KPNA7: variants seen among roughly 807,000 people sequenced by gnomAD.
The protein encoded by KPNA7 is importin subunit alpha-8.
Under a neutral mutation model 53.7 loss-of-function variants are expected in KPNA7, and 54 were observed. That is an observed-to-expected ratio of 1.01 (90% CI 0.81 to 1.26). The LOEUF is 1.26. Ranked by LOEUF, KPNA7 falls within the 50% of genes most tolerant of loss-of-function variation. KPNA7 has a pLI of 0.00. For synonymous variants in KPNA7, 276 were observed against 259.3 expected, an observed-to-expected ratio of 1.06 and a Z score of -0.62; for missense variants, 640 against 644.5, an observed-to-expected ratio of 0.99 and a Z score of 0.07.
downstream of KPNA7, among the ~76,000 whole-genome samples, chr7:99,173,322 G>C (rs1432178015): frequency 1.3e-5 from 2 of 151,992 alleles, no homozygotes; most frequent in Admixed American, 1.3e-4. Flanking sequence ...CTCCCAAATA[G>C]CTGGAATTAC....
At chr7:99,184,335 A>C (rs1789460295) in intron 8 of KPNA7, among the ~76,000 whole-genome samples, 1 of 151,574 alleles carries the variant, frequency 6.6e-6, no homozygotes, top group South Asian at 2.1e-4. Flanking sequence ...TTGTATACGT[A>C]TATTTTTTGT....
In KPNA7 at chr7:99,177,964, T is replaced by C. The variant is rs1422947526; in HGVS notation, c.1420A>G (p.Ile474Val). The change falls in exon 10 of 11, where the codon ATT (isoleucine) becomes GTT (valine). Residue 474 changes from isoleucine to valine, a missense_variant. Ile to Val is a conservative substitution (Grantham distance 29). Coordinates refer to ENST00000327442, the MANE Select transcript of KPNA7 (RefSeq NM_001145715.3). Reference sequence around the variant, plus strand: ...ATGATGTTCAAAGCCGACTGGCCAATTTGACGGTTCTCATGCAGCTGTAAA... The same window carrying C: ...ATGATGTTCAAAGCCGACTGGCCAACTTGACGGTTCTCATGCAGCTGTAAA... ...EALQLHENRQ[I>V]GQSALNIIEK... The C allele has an allele frequency of 2.6e-6, 4 of 1,551,908 alleles. No homozygotes were observed. In the Admixed American group the frequency reaches 5.9e-5, roughly 23 times the overall value.
the KPNA7 span, among the ~76,000 whole-genome samples, chr7:99,163,383 A>ATATATATATATATATATATTTTT: frequency 2.5e-5 from 1 of 40,804 alleles, no homozygotes; most frequent in Non-Finnish European, 4.2e-5. Flanking sequence ...ATATATATAT[A>ATATATATATATATATATATTTTT]TTTTTTTTTT....
the KPNA7 span, among the ~76,000 whole-genome samples, chr7:99,163,044 G>A: frequency 1.3e-5 from 2 of 151,854 alleles, no homozygotes; most frequent in African/African-American, 2.4e-5. Context: ...AGCTGGATGT[G>A]GTGGCACACT....
chr7:99,154,902 CCAAT>C, the KPNA7 span, among the ~76,000 whole-genome samples: 2 of 152,052 alleles, frequency 1.3e-5, no homozygotes, highest in Non-Finnish European at 2.9e-5. Context: ...TAAAAAGCTA[CCAAT>C]GACAAAATTG....
Position 99,182,077 on chromosome 7 carries a change from G to C in KPNA7, c.1135-12C>G. 6.6e-7 allele frequency: 1 copy of C among 1,520,550 alleles called. No individual in the cohort carries two copies. The highest frequency in any genetic ancestry group is 8.9e-7 in the Non-Finnish European group (1 of 1,126,878). The allele number at this position is 1,520,550 out of a possible 1,614,324, so 94.2% of individuals were successfully genotyped here. On this transcript the variant is annotated splice_polypyrimidine_tract_variant and intron_variant, in intron 8 of 10. Coordinates refer to ENST00000327442, the MANE Select transcript of KPNA7 (RefSeq NM_001145715.3). Reference sequence around the variant, plus strand: ...ACTTTAAATTCTCCCTGCAGAACAAGAATGTTTCCATTCTCTACAGATCCT... The same window carrying C: ...ACTTTAAATTCTCCCTGCAGAACAACAATGTTTCCATTCTCTACAGATCCT...
At chr7:99,184,432 G>A (rs1006868809) in intron 8 of KPNA7, among the ~76,000 whole-genome samples, 5 of 152,126 alleles carry the variant, frequency 3.3e-5, no homozygotes, top group Admixed American at 3.3e-4. Flanking sequence ...CAAAACGTCG[G>A]AATTACAGTC....
chr7:99,175,365 A>T (rs528594419), intron 10 of KPNA7, among the ~76,000 whole-genome samples: 2 of 152,052 alleles, frequency 1.3e-5, no homozygotes, highest in African/African-American at 4.8e-5. Context: ...TTTTGTAGAT[A>T]TGGGCTCTCA....
At chr7:99,176,830 C>A (rs183774205) in intron 10 of KPNA7, among the ~76,000 whole-genome samples, 79 of 152,124 alleles carry the variant, frequency 5.2e-4, no homozygotes, top group African/African-American at 1.8e-3. Flanking sequence ...CAGTGAGCAA[C>A]CATTGCGGCC....
intron 7 of KPNA7, 130 bp downstream of exon 7, chr7:99,188,168 CTG>C: frequency 1.3e-6 from 1 of 777,684 alleles, no homozygotes; most frequent in East Asian, 3.1e-5. Context: ...GAGCAAGACT[CTG>C]TCTCAAAAAA....
rs1789279635 is a variant in KPNA7, at chr7:99,182,052, A to G, written c.1148T>C (p.Val383Ala). ...VALLKNGEFK[V>A]QKEAVWMVAN... ...CACCATCCAGACAGCCTCTTTCTGG[A>G]CTTTAAATTCTCCCTGCAGAACAAG... Residue 383 changes from valine to alanine, a missense_variant, in exon 9 of 11, where the codon GTC (valine) becomes GCC (alanine). Coordinates refer to ENST00000327442, the MANE Select transcript of KPNA7 (RefSeq NM_001145715.3). 6.5e-7 allele frequency: 1 copy of G among 1,535,588 alleles called. No homozygotes were observed. Among genetic ancestry groups the G allele is most frequent in the East Asian group, 2.5e-5 (1 of 40,460 alleles).
intron 7 of KPNA7, among the ~76,000 whole-genome samples, chr7:99,185,980 A>T (rs185771259): frequency 6.6e-6 from 1 of 152,112 alleles, no homozygotes. Context: ...TTTTGTAGAG[A>T]CAAGGTTTCA....
Position 99,178,028 on chromosome 7 carries a change from A to T in KPNA7, c.1356T>A (p.Leu452=). The change falls in exon 10 of 11, where the codon CTT becomes CTA. Residue 452 remains leucine, a synonymous_variant. Transcript: ENST00000327442. Reference sequence around the variant, plus strand: ...CGATCCCACCAAGTTCTTCTATCAGAAGACACAGGTTTTCCTTCTCAGACC... The same window carrying T: ...CGATCCCACCAAGTTCTTCTATCAGTAGACACAGGTTTTCCTTCTCAGACC... ...EKRSEKENLC[L]LIEELGGIDR... 1 of 1,551,672 alleles carries T rather than the reference A, an allele frequency of 6.4e-7. No individual in the cohort carries two copies. The highest frequency in any genetic ancestry group is 8.7e-7 in the Non-Finnish European group (1 of 1,146,986).
At chr7:99,149,944 A>T in the KPNA7 span, among the ~76,000 whole-genome samples, 182 of 152,134 alleles carry the variant, frequency 1.2e-3, no homozygotes, top group African/African-American at 4.3e-3. Flanking sequence ...GACTGCAGGC[A>T]CGTGCCACCA....
Position 99,177,942 on chromosome 7 carries a change from A to T in KPNA7, c.1442T>A (p.Ile481Asn). The T allele has an allele frequency of 6.4e-7, 1 of 1,551,994 alleles. No homozygotes were observed. Among genetic ancestry groups the T allele is most frequent in the Non-Finnish European group, 8.7e-7 (1 of 1,147,050 alleles). Residue 481 changes from isoleucine to asparagine, a missense_variant, in exon 10 of 11, where the codon ATC (isoleucine) becomes AAC (asparagine). Coordinates refer to ENST00000327442, the MANE Select transcript of KPNA7 (RefSeq NM_001145715.3). ...TACCTCACCAAAGTGCTTCTCGATG[A>T]TGTTCAAAGCCGACTGGCCAATTTG... ...NRQIGQSALNIIEKHFGEEED... is the reference protein window; with the variant it reads ...NRQIGQSALNNIEKHFGEEED...
At chr7:99,179,663 C>T (rs1382432243) in intron 9 of KPNA7, among the ~76,000 whole-genome samples, 1 of 151,940 alleles carries the variant, frequency 6.6e-6, no homozygotes, top group African/African-American at 2.4e-5. Context: ...TGGCTCACTG[C>T]AACCTCCACC....
chr7:99,152,259 G>C, the KPNA7 span, among the ~76,000 whole-genome samples: 1 of 151,880 alleles, frequency 6.6e-6, no homozygotes, highest in African/African-American at 2.4e-5. Context: ...TTACACGGGA[G>C]GCTGAGGCAG....
Position 99,178,012 on chromosome 7 carries a change from C to T in KPNA7, c.1372G>A (p.Gly458Ser). 1 of 1,551,718 alleles carries T rather than the reference C, an allele frequency of 6.4e-7. No individual in the cohort carries two copies. The highest frequency in any genetic ancestry group is 8.7e-7 in the Non-Finnish European group (1 of 1,146,994). The change falls in exon 10 of 11, where the codon GGT (glycine) becomes AGT (serine). Residue 458 changes from glycine to serine, a missense_variant. Gly to Ser is a moderately conservative substitution (Grantham distance 56). Transcript: ENST00000327442. ...AAAGCCTCAATTCTATCGATCCCAC[C>T]AAGTTCTTCTATCAGAAGACACAGG... ...ENLCLLIEEL[G>S]GIDRIEALQL...
At chr7:99,174,805 TCTTA>T (rs1345347177) in intron 10 of KPNA7, among the ~76,000 whole-genome samples, 2 of 146,944 alleles carry the variant, frequency 1.4e-5, no homozygotes, top group Non-Finnish European at 2.9e-5. Context: ...AAAAGAGGTC[TCTTA>T]TTTATTATTT....
Sources: allele counts gnomAD v4.1 joint callset (sites outside exome capture counted in the v4.1 genomes callset), GRCh38; gene constraint gnomAD v4.1.1; transcripts MANE v1.5; gene names NCBI Gene and HGNC (gene_info 2026-07-23, HGNC 2026-07-21).